ADAMTS2: variants seen among roughly 807,000 people sequenced by gnomAD.
The protein encoded by ADAMTS2 is ADAM metallopeptidase with thrombospondin type 1 motif 2, also known as A disintegrin and metalloproteinase with thrombospondin motifs 2.
In ADAMTS2, 50 loss-of-function variants were observed where a neutral mutation model predicts 123.0. That is an observed-to-expected ratio of 0.41 (90% confidence interval 0.32 to 0.51). The LOEUF is 0.51. Among genes scored for constraint, ADAMTS2 ranks in the 20% least tolerant of loss-of-function variants. The probability of loss-of-function intolerance (pLI) is 0.35; values close to 1 mark genes in which losing one functional copy is unlikely to be tolerated. For synonymous variants in ADAMTS2, 678 were observed against 695.4 expected, an observed-to-expected ratio of 0.98 and a Z score of 0.39; for missense variants, 1,494 against 1,705.2, an observed-to-expected ratio of 0.88 and a Z score of 2.18.
intron 4 of ADAMTS2, among the ~76,000 whole-genome samples, chr5:179,200,280 A>C (rs2113357938): frequency 8.5e-6 from 1 of 117,710 alleles, no homozygotes; most frequent in Non-Finnish European, 1.6e-5. Context: ...AGAGAATCTC[A>C]CTCTGTCGCC....
chr5:179,122,587 C>A (rs531483121), intron 20 of ADAMTS2, 57 bp downstream of exon 20: 5 of 1,540,498 alleles, frequency 3.2e-6, no homozygotes, highest in East Asian at 4.9e-5. Flanking sequence ...GCCTCTGACA[C>A]CCCCGCCCTG....
intron 3 of ADAMTS2, among the ~76,000 whole-genome samples, chr5:179,257,020 G>A (rs935706548): frequency 6.6e-6 from 1 of 152,224 alleles, no homozygotes; most frequent in African/African-American, 2.4e-5. Flanking sequence ...CCCATCACTG[G>A]GGTCACCACA....
In ADAMTS2 at chr5:179,332,520, G is replaced by A. The variant is rs1757509683; in HGVS notation, c.534+11247C>T. ...ATTACAAAGGTTTTAGGAGCTCTGA[G>A]GCAGGAACCAGAGATGAAGAACAAA... On this transcript the variant is annotated intron_variant, in intron 2 of 21. Coordinates refer to ENST00000251582, the MANE Select transcript of ADAMTS2 (RefSeq NM_014244.5). The surrounding 1 kb of genome is among the most constrained non-coding windows in gnomAD (Gnocchi z 4.2). 6.6e-6 allele frequency among the ~76,000 whole-genome samples: 1 copy of A among 152,182 alleles called. No individual in the cohort carries two copies. The highest frequency in any genetic ancestry group is 2.4e-5 in the African/African-American group (1 of 41,434).
chr5:179,344,260 C>G, intron 1 of ADAMTS2, 99 bp from the exon 2 acceptor site: 1 of 1,448,798 alleles, frequency 6.9e-7, no homozygotes, highest in South Asian at 1.3e-5. Flanking sequence ...CGCCCCACTG[C>G]GAAGGGAAGG....
intron 2 of ADAMTS2, among the ~76,000 whole-genome samples, chr5:179,301,098 G>A (rs996196635): frequency 9.3e-5 from 14 of 150,422 alleles, no homozygotes; most frequent in African/African-American, 2.9e-4. Context: ...TGCAAGAACC[G>A]CCTACTGTGA....
chr5:179,307,623 CCCA>C lies in ADAMTS2; in HGVS notation c.535-34562_535-34560del, dbSNP rs1756716915. Among the ~76,000 whole-genome samples, 1 of 152,178 alleles carries C rather than the reference CCCA, an allele frequency of 6.6e-6. No homozygotes were observed. Among genetic ancestry groups the C allele is most frequent in the African/African-American group, 2.4e-5 (1 of 41,448 alleles). On this transcript the variant is annotated intron_variant, in intron 2 of 21. Coordinates refer to ENST00000251582, the MANE Select transcript of ADAMTS2 (RefSeq NM_014244.5). The surrounding 1 kb of genome is among the most constrained non-coding windows in gnomAD (Gnocchi z 5.6). Reference sequence around the variant, plus strand: ...CCTGCCCAAAGCCCTCCAGCGGCTTCCCACCACATGACTGCCCCGGTCCCCGCT... The same window carrying C: ...CCTGCCCAAAGCCCTCCAGCGGCTTCCCACATGACTGCCCCGGTCCCCGCT...
rs59845470 is a variant in ADAMTS2 at position 179,189,564 on chromosome 5, A to T, written c.892-8409T>A. 8.9e-5 allele frequency among the ~76,000 whole-genome samples: 10 copies of T among 111,958 alleles called. No individual in the cohort carries two copies. In the Admixed American group the frequency reaches 1.2e-3, roughly 13 times the overall value. The allele number at this position is 111,958 out of a possible 152,430, so 73.4% of individuals were successfully genotyped here. ...AGTAGAGGCAGGGTTTCACAATGTT[A>T]GCCAGGATGGTCTTGATCTCCTGAC... On this transcript the variant is annotated intron_variant, in intron 4 of 21. Transcript: ENST00000251582. This position sits in a 1 kb window ranked among gnomAD's most constrained non-coding sequence, Gnocchi z 4.2.
At chr5:179,213,146 C>T (rs966591352) in intron 3 of ADAMTS2, among the ~76,000 whole-genome samples, 19 of 152,282 alleles carry the variant, frequency 1.2e-4, no homozygotes, top group African/African-American at 4.1e-4. Flanking sequence ...TTCAGTGACA[C>T]GGCCGACTGC....
chr5:179,122,427 A>G (rs1400466192), intron 20 of ADAMTS2, among the ~76,000 whole-genome samples: 2 of 152,090 alleles, frequency 1.3e-5, no homozygotes, highest in African/African-American at 2.4e-5. Flanking sequence ...AGTGCCCTGA[A>G]AGCAGGGAGG....
chr5:179,171,409 C>G (rs912462149), intron 5 of ADAMTS2, among the ~76,000 whole-genome samples: 4 of 152,210 alleles, frequency 2.6e-5, no homozygotes, highest in African/African-American at 9.7e-5. Flanking sequence ...TCAGCCCAGC[C>G]CCTAGCAGTG....
intron 21 of ADAMTS2, among the ~76,000 whole-genome samples, chr5:179,116,135 C>T (rs73806888): frequency 0.016 from 2,415 of 152,298 alleles, 51 homozygotes; most frequent in African/African-American, 0.055. Context: ...TCTCCCACCT[C>T]CACCCTGGCT....
At chr5:179,223,098 T>G (rs1234645585) in intron 3 of ADAMTS2, among the ~76,000 whole-genome samples, 3 of 152,260 alleles carry the variant, frequency 2.0e-5, no homozygotes, top group Non-Finnish European at 4.4e-5. Context: ...TGTTCATTGT[T>G]CATTCACTCG....
chr5:179,121,771 C>T (rs764660233), intron 20 of ADAMTS2, 21 bp from the exon 21 acceptor site: 1 of 1,516,816 alleles, frequency 6.6e-7, no homozygotes, highest in Non-Finnish European at 8.9e-7. Flanking sequence ...GAGAGAGGGG[C>T]TGCGGCCGCA....
At chr5:179,208,758 C>T (rs1380281803) in intron 3 of ADAMTS2, among the ~76,000 whole-genome samples, 1 of 152,148 alleles carries the variant, frequency 6.6e-6, no homozygotes, top group Non-Finnish European at 1.5e-5. Flanking sequence ...TCCTGGAAGC[C>T]CCCTTTCCCT....
intron 2 of ADAMTS2, among the ~76,000 whole-genome samples, chr5:179,274,707 C>T (rs1029216296): frequency 1.2e-4 from 18 of 152,220 alleles, no homozygotes; most frequent in African/African-American, 4.1e-4. Flanking sequence ...GTCAGTGCCC[C>T]CCAGGGCCTG....
rs1336633769 is a variant in ADAMTS2, at chr5:179,345,080, G to A, written c.139+110C>T. On this transcript the variant is annotated intron_variant, in intron 1 of 21. Coordinates refer to ENST00000251582, the MANE Select transcript of ADAMTS2 (RefSeq NM_014244.5). This position sits in a 1 kb window ranked among gnomAD's most constrained non-coding sequence, Gnocchi z 7.5. ...CAACTTGGCCCCGGGCGGGGCGCGC[G>A]GAGTTTGCCCAAGTCAGGCTGGACG... 5 of 854,996 alleles carry A rather than the reference G, an allele frequency of 5.8e-6. No individual in the cohort carries two copies. In the East Asian group the frequency reaches 4.0e-4, roughly 68 times the overall value. The allele number at this position is 854,996 out of a possible 1,614,324, so 53.0% of individuals were successfully genotyped here.
intron 10 of ADAMTS2, among the ~76,000 whole-genome samples, chr5:179,150,113 G>A (rs775273186): frequency 3.9e-4 from 51 of 131,464 alleles, no homozygotes; most frequent in Non-Finnish European, 2.5e-4. Flanking sequence ...ACATATGGGG[G>A]CCCCACCAGC....
chr5:179,267,775 A>G (rs1274800956), intron 3 of ADAMTS2, among the ~76,000 whole-genome samples: 1 of 151,798 alleles, frequency 6.6e-6, no homozygotes, highest in Non-Finnish European at 1.5e-5. Context: ...CAGAGAGCTG[A>G]TGTGGAGGCT....
chr5:179,256,489 G>C lies in ADAMTS2; in HGVS notation c.688+16422C>G, dbSNP rs141377025. Among the ~76,000 whole-genome samples, 67 of 152,216 alleles carry C rather than the reference G, an allele frequency of 4.4e-4. No homozygotes were observed. The East Asian group carries it at 0.012, about 28-fold the overall frequency. On this transcript the variant is annotated intron_variant, in intron 3 of 21. Transcript: ENST00000251582. This position sits in a 1 kb window ranked among gnomAD's most constrained non-coding sequence, Gnocchi z 4.1. ...CCTACATGGATGAAGATGTGGATGTGTCTGCTCTGACCATGGGTGTGTGCA... is the reference window on the plus strand; with the variant it reads ...CCTACATGGATGAAGATGTGGATGTCTCTGCTCTGACCATGGGTGTGTGCA...
Sources: gnomAD v4.1 joint callset for allele counts (sites outside exome capture counted in the v4.1 genomes callset) on GRCh38, gnomAD v4.1.1 for gene constraint, Gnocchi (gnomAD v3.1) non-coding constraint, MANE v1.5 for transcripts, NCBI Gene and HGNC (gene_info 2026-07-23, HGNC 2026-07-21) for gene names.